Variants in L3MBTL3 observed in about 807,000 individuals in gnomAD.
L3MBTL3 encodes the protein lethal(3)malignant brain tumor-like protein 3.
L3MBTL3 carries 27 observed loss-of-function variants against 102.3 expected under a neutral mutation model. The observed-to-expected ratio is 0.26, with a 90% CI of 0.19 to 0.36. The LOEUF is 0.36. Ranked by LOEUF, L3MBTL3 falls within the 10% of genes least tolerant of loss-of-function variation. L3MBTL3 has a pLI of 1.00. For synonymous variants in L3MBTL3, 340 were observed against 320.9 expected (o/e 1.06, Z -0.64); for missense variants, 798 against 955.3 (o/e 0.84, Z 2.17).
intron 10 of L3MBTL3, 45 bp downstream of exon 10, chr6:130,060,185 A>G (rs1781799018): frequency 8.2e-7 from 1 of 1,213,476 alleles, no homozygotes; most frequent in Non-Finnish European, 1.2e-6. Flanking sequence ...AATGGTGATT[A>G]TGGGGATTTA....
intron 10 of L3MBTL3, among the ~76,000 whole-genome samples, chr6:130,063,007 T>A (rs1198361236): frequency 2.4e-3 from 1 of 424 alleles, no homozygotes; most frequent in Non-Finnish European, 4.2e-3. Context: ...TTTTTTTCTG[T>A]TTTTTTTTCG....
chr6:130,041,499 A>C (rs1434940793), intron 2 of L3MBTL3, among the ~76,000 whole-genome samples: 1 of 152,202 alleles, frequency 6.6e-6, no homozygotes, highest in Non-Finnish European at 1.5e-5. Flanking sequence ...TCCTTTTCCA[A>C]ATAGTGAGTT....
In L3MBTL3 at chr6:130,037,915, C is replaced by T. The variant is rs541341307; in HGVS notation, c.-15-4770C>T. ...TGTAGTTTTATACCAGTTAATCAACCTTTGTCTATTGCCTCCCTCCCACCC... is the reference window on the plus strand; with the variant it reads ...TGTAGTTTTATACCAGTTAATCAACTTTTGTCTATTGCCTCCCTCCCACCC... On this transcript the variant is annotated intron_variant, in intron 2 of 22. Coordinates refer to ENST00000361794, the MANE Select transcript of L3MBTL3 (RefSeq NM_032438.4). 3.3e-5 allele frequency among the ~76,000 whole-genome samples: 5 copies of T among 152,150 alleles called. No homozygotes were observed. In the East Asian group the frequency reaches 5.8e-4, roughly 18 times the overall value.
chr6:130,051,509 A>G (rs1781090457), intron 6 of L3MBTL3, 101 bp downstream of exon 6: 1 of 1,050,912 alleles, frequency 9.5e-7, no homozygotes, highest in Non-Finnish European at 1.4e-6. Context: ...TTGATCACCT[A>G]TTGATACCTT....
At chr6:130,135,012 T>A (rs1016769439) in intron 22 of L3MBTL3, among the ~76,000 whole-genome samples, 1 of 146,856 alleles carries the variant, frequency 6.8e-6, no homozygotes, top group African/African-American at 2.7e-5. Flanking sequence ...ATTCAGATTT[T>A]CTTTCCCTAA....
chr6:130,065,325 A>G (rs535548435), intron 10 of L3MBTL3, among the ~76,000 whole-genome samples: 39 of 152,292 alleles, frequency 2.6e-4, no homozygotes, highest in African/African-American at 9.1e-4. Context: ...ATGTATGTAT[A>G]TAAATGCATA....
chr6:130,137,254 C>T (rs1400116164), intron 22 of L3MBTL3, among the ~76,000 whole-genome samples: 4 of 152,164 alleles, frequency 2.6e-5, no homozygotes, highest in Non-Finnish European at 5.9e-5. Context: ...GGCCAGAGCT[C>T]CTGAATTCCA....
chr6:130,083,402 T>C (rs1489108730), intron 14 of L3MBTL3, among the ~76,000 whole-genome samples: 1 of 151,834 alleles, frequency 6.6e-6, no homozygotes, highest in Non-Finnish European at 1.5e-5. Flanking sequence ...AAATTATATA[T>C]ATCTATAAAA....
At chr6:130,035,670 C>A (rs1271324159) in intron 2 of L3MBTL3, among the ~76,000 whole-genome samples, 1 of 152,162 alleles carries the variant, frequency 6.6e-6, no homozygotes, top group Non-Finnish European at 1.5e-5. Context: ...GCATCAATGC[C>A]TTTGGTTGCA....
At chr6:130,084,907 A>G (rs6913566) in intron 15 of L3MBTL3, among the ~76,000 whole-genome samples, 143,618 of 152,212 alleles carry the variant, frequency 0.94, 68,158 homozygotes, top group Middle Eastern at 1. Context: ...TCGTCTCACT[A>G]CAATCTCCAC....
At chr6:130,024,337 A>T (rs1367957392) in intron 2 of L3MBTL3, among the ~76,000 whole-genome samples, 1 of 152,140 alleles carries the variant, frequency 6.6e-6, no homozygotes, top group Non-Finnish European at 1.5e-5. Flanking sequence ...ACTATCTATT[A>T]TTATTTTTGA....
At chr6:130,104,617 A>T in intron 19 of L3MBTL3, 42 bp downstream of exon 19, 2 of 1,350,804 alleles carry the variant, frequency 1.5e-6, no homozygotes, top group Non-Finnish European at 2.0e-6. Context: ...GAAGTACTCT[A>T]ATTTAAAGAG....
intron 12 of L3MBTL3, among the ~76,000 whole-genome samples, chr6:130,070,111 T>G (rs1782532444): frequency 6.6e-6 from 1 of 151,678 alleles, no homozygotes; most frequent in Non-Finnish European, 1.5e-5. Context: ...TGTTTTTTGT[T>G]TTTTGTTTTG....
intron 13 of L3MBTL3, among the ~76,000 whole-genome samples, chr6:130,074,111 C>A (rs537712859): frequency 5.9e-5 from 9 of 152,184 alleles, no homozygotes; most frequent in Admixed American, 4.6e-4. Flanking sequence ...GATTGGGTTG[C>A]CTTTCCCAAT....
At chr6:130,083,156 T>G (rs1277316329) in intron 14 of L3MBTL3, among the ~76,000 whole-genome samples, 2 of 152,252 alleles carry the variant, frequency 1.3e-5, no homozygotes, top group African/African-American at 4.8e-5. Flanking sequence ...CTGGAATTGT[T>G]CACATATTAA....
chr6:130,059,647 A>G (rs186654754), intron 9 of L3MBTL3, among the ~76,000 whole-genome samples: 2 of 152,260 alleles, frequency 1.3e-5, no homozygotes, highest in Admixed American at 6.5e-5. Flanking sequence ...GGTTGTACCA[A>G]TTTTCATTCT....
chr6:130,038,640 T>C (rs989975559), intron 2 of L3MBTL3, among the ~76,000 whole-genome samples: 1 of 152,180 alleles, frequency 6.6e-6, no homozygotes, highest in African/African-American at 2.4e-5. Flanking sequence ...TGCTGAGTTA[T>C]TTGAGCTTCT....
intron 19 of L3MBTL3, among the ~76,000 whole-genome samples, chr6:130,114,040 A>C (rs1412116526): frequency 1.3e-5 from 2 of 152,194 alleles, no homozygotes; most frequent in African/African-American, 4.8e-5. Context: ...TTCAATGACT[A>C]GGCATTCTCT....
At chr6:130,073,663 G>GGGAGAGTCTAGA (rs1175144858) in intron 13 of L3MBTL3, among the ~76,000 whole-genome samples, 2 of 152,050 alleles carry the variant, frequency 1.3e-5, no homozygotes, top group African/African-American at 4.8e-5. Context: ...AAAAAGTAAG[G>GGGAGAGTCTAGA]GGAGAGTCTA....
Sources: gnomAD v4.1 joint callset for allele counts (sites outside exome capture counted in the v4.1 genomes callset) on GRCh38, gnomAD v4.1.1 for gene constraint, MANE v1.5 for transcripts, NCBI Gene and HGNC (gene_info 2026-07-23, HGNC 2026-07-21) for gene names.